Variants in MGMT observed in about 807,000 individuals in gnomAD.
The protein encoded by MGMT is methylated-DNA--protein-cysteine methyltransferase.
MGMT carries 14 observed loss-of-function variants against 15.9 expected under a neutral mutation model. That is an observed-to-expected ratio of 0.88 (90% confidence interval 0.58 to 1.37). The LOEUF is 1.37. MGMT is among the 40% of genes most tolerant of loss of function. The probability of loss-of-function intolerance (pLI) is 0.00; values close to 1 mark genes in which losing one functional copy is unlikely to be tolerated. For missense variants in MGMT, 282 were observed against 268.1 expected (o/e 1.05, Z -0.36); for synonymous variants, 130 against 118.2 (o/e 1.10, Z -0.65).
chr10:129,657,649 G>C lies in MGMT; in HGVS notation c.126-50246G>C, dbSNP rs181089417. 5.5e-4 allele frequency among the ~76,000 whole-genome samples: 82 copies of C among 149,072 alleles called. No individual in the cohort carries two copies. The East Asian group carries it at 0.013, about 23-fold the overall frequency. On this transcript the variant is annotated intron_variant, in intron 2 of 4. Transcript: ENST00000651593. The stretch of plus-strand genomic sequence containing the variant: ...CCTGGAGGAGGAGCTGGAGCTGGGG[G>C]GGGGACAGGCTGGCCAGCTCCTCCA...
chr10:129,615,311 T>C (rs1847012166), intron 2 of MGMT, among the ~76,000 whole-genome samples: 1 of 152,174 alleles, frequency 6.6e-6, no homozygotes, highest in Non-Finnish European at 1.5e-5. Context: ...GACGCCTCCC[T>C]GGTGAGGTGT....
chr10:129,494,327 C>A (rs1467778790), intron 1 of MGMT, among the ~76,000 whole-genome samples: 2 of 152,110 alleles, frequency 1.3e-5, no homozygotes, highest in Non-Finnish European at 2.9e-5. Context: ...TGGACCCTGA[C>A]CTTGAACTGT....
intron 1 of MGMT, among the ~76,000 whole-genome samples, chr10:129,511,739 G>A (rs1845686023): frequency 6.6e-6 from 1 of 152,172 alleles, no homozygotes; most frequent in South Asian, 2.1e-4. Context: ...GTTAACAAGA[G>A]CCCTAGATCC....
chr10:129,518,325 G>GACACACACAC (rs1293188269), intron 1 of MGMT, among the ~76,000 whole-genome samples: 1,352 of 88,038 alleles, frequency 0.015, 39 homozygotes, highest in African/African-American at 0.048. Flanking sequence ...TGTGTGTACA[G>GACACACACAC]ATACACACAC....
chr10:129,695,767 G>C (rs960262052), intron 2 of MGMT, among the ~76,000 whole-genome samples: 2 of 152,216 alleles, frequency 1.3e-5, no homozygotes, highest in African/African-American at 4.8e-5. Context: ...CTGCCTGCCT[G>C]GGAGATGGAA....
intron 2 of MGMT, among the ~76,000 whole-genome samples, chr10:129,690,796 T>C (rs952969714): frequency 4.1e-4 from 62 of 152,144 alleles, no homozygotes; most frequent in African/African-American, 1.4e-3. Flanking sequence ...AGCTTGGGAT[T>C]CAGCCAGGAC....
chr10:129,741,627 T>C lies in MGMT; in HGVS notation c.275-17575T>C, dbSNP rs535664911. Among the ~76,000 whole-genome samples, 731 of 152,268 alleles carry C rather than the reference T, an allele frequency of 4.8e-3. 2 individuals are homozygous for C. The highest frequency in any genetic ancestry group is 7.8e-3 in the Non-Finnish European group (533 of 67,994). On this transcript the variant is annotated intron_variant, in intron 3 of 4. Transcript: ENST00000651593. Reference sequence around the variant, plus strand: ...AGAGGGAGGCGGTTTTCTTCCCAGCTTACCATTACCACTGTGTTCGAGGAG... The same window carrying C: ...AGAGGGAGGCGGTTTTCTTCCCAGCCTACCATTACCACTGTGTTCGAGGAG...
At chr10:129,503,858 A>C (rs1845599372) in intron 1 of MGMT, among the ~76,000 whole-genome samples, 1 of 152,204 alleles carries the variant, frequency 6.6e-6, no homozygotes, top group Non-Finnish European at 1.5e-5. Context: ...CATTTGATTA[A>C]ATTGTTTAGA....
At chr10:129,528,744 C>T (rs1845897757) in intron 1 of MGMT, among the ~76,000 whole-genome samples, 2 of 152,148 alleles carry the variant, frequency 1.3e-5, no homozygotes, top group Non-Finnish European at 2.9e-5. Context: ...TGGCCTTTTC[C>T]TCATGATCAC....
At chr10:129,646,736 A>AT (rs1847394698) in intron 2 of MGMT, among the ~76,000 whole-genome samples, 1 of 99,400 alleles carries the variant, frequency 1.0e-5, no homozygotes, top group Non-Finnish European at 2.2e-5. Flanking sequence ...ATATATATAT[A>AT]TATATATATA....
Position 129,501,177 on chromosome 10 carries a change from C to T in MGMT, c.-13+33881C>T, listed in dbSNP as rs552627052. On this transcript the variant is annotated intron_variant, in intron 1 of 4. Coordinates refer to ENST00000651593, the MANE Select transcript of MGMT (RefSeq NM_002412.5). ...AGAGTTCCCTCAGTGAACCTGGAAA[C>T]GGCAGTGGCTGGAGGTGAGAGGTGT... Among the ~76,000 whole-genome samples, 35 of 152,314 alleles carry T rather than the reference C, an allele frequency of 2.3e-4. 1 individual carries two copies. Among genetic ancestry groups the T allele is most frequent in the Admixed American group, 1.2e-3 (19 of 15,300 alleles).
intron 2 of MGMT, among the ~76,000 whole-genome samples, chr10:129,602,251 A>C (rs964194420): frequency 1.3e-5 from 2 of 152,044 alleles, no homozygotes; most frequent in South Asian, 2.1e-4. Context: ...TAGTGATTTC[A>C]AGAAAATGTT....
intron 3 of MGMT, among the ~76,000 whole-genome samples, chr10:129,719,222 G>A (rs1239412643): frequency 1.3e-5 from 2 of 151,878 alleles, no homozygotes; most frequent in East Asian, 2.0e-4. Flanking sequence ...GAGCTGGTCC[G>A]TGTGTCCACT....
intron 2 of MGMT, among the ~76,000 whole-genome samples, chr10:129,696,322 A>T (rs11291420): frequency 8.6e-4 from 21 of 24,498 alleles, no homozygotes; most frequent in African/African-American, 3.4e-3. Flanking sequence ...GCATTATATC[A>T]GGGGGTGGGG....
chr10:129,558,447 G>A (rs1315016418), intron 2 of MGMT, among the ~76,000 whole-genome samples: 1 of 152,162 alleles, frequency 6.6e-6, no homozygotes. Flanking sequence ...CTTTCTTTGG[G>A]ATTCGTGTTT....
At chr10:129,494,369 G>A (rs1198309425) in intron 1 of MGMT, among the ~76,000 whole-genome samples, 1 of 152,194 alleles carries the variant, frequency 6.6e-6, no homozygotes, top group Non-Finnish European at 1.5e-5. Context: ...TGGAGCTCAA[G>A]CTTCCCTGGG....
intron 3 of MGMT, among the ~76,000 whole-genome samples, chr10:129,744,415 G>A (rs934625744): frequency 1.3e-5 from 2 of 152,222 alleles, no homozygotes; most frequent in African/African-American, 4.8e-5. Context: ...CCCTGCCTTC[G>A]GAGTGAGCAA....
intron 2 of MGMT, among the ~76,000 whole-genome samples, chr10:129,688,143 G>C (rs75976267): frequency 1.3e-5 from 2 of 152,294 alleles, no homozygotes; most frequent in Non-Finnish European, 2.9e-5. Context: ...TAGTGCCACA[G>C]TAAACATACG....
chr10:129,714,012 A>G (rs991820921), intron 3 of MGMT, among the ~76,000 whole-genome samples: 1 of 152,246 alleles, frequency 6.6e-6, no homozygotes, highest in Non-Finnish European at 1.5e-5. Context: ...CCTCAGCAGA[A>G]CAAGAATGTC....
Sources: allele counts gnomAD v4.1 joint callset (sites outside exome capture counted in the v4.1 genomes callset), GRCh38; gene constraint gnomAD v4.1.1; transcripts MANE v1.5; gene names NCBI Gene and HGNC (gene_info 2026-07-23, HGNC 2026-07-21).